Variants in DCDC1 observed in about 807,000 individuals in gnomAD.
The protein encoded by DCDC1 is doublecortin domain-containing protein 1.
A neutral mutation model predicts 178.3 loss-of-function variants in DCDC1; 200 were observed. The ratio of observed to expected loss-of-function variants is 1.12; its 90% CI spans 1.00 to 1.26. DCDC1 has a LOEUF of 1.26. Among genes scored for constraint, DCDC1 ranks in the 50% most tolerant of loss-of-function variants. The pLI is 0.00. For missense variants in DCDC1, 1,983 were observed against 1,749.2 expected, an observed-to-expected ratio of 1.13 and a Z score of -2.38; for synonymous variants, 690 against 604.8, an observed-to-expected ratio of 1.14 and a Z score of -2.07.
At chr11:31,246,329 T>G (rs1051588781) in intron 8 of DCDC1, among the ~76,000 whole-genome samples, 4 of 152,034 alleles carry the variant, frequency 2.6e-5, no homozygotes, top group African/African-American at 9.7e-5. Flanking sequence ...TAGTTACCTA[T>G]AAAGAAACTT....
At chr11:31,326,498 A>G (rs936563609) in intron 3 of DCDC1, among the ~76,000 whole-genome samples, 7 of 152,222 alleles carry the variant, frequency 4.6e-5, no homozygotes, top group Admixed American at 4.6e-4. Context: ...AGTACACATT[A>G]TATTAGAATT....
At chr11:31,051,321 G>C (rs1479439900) in intron 20 of DCDC1, among the ~76,000 whole-genome samples, 4 of 152,146 alleles carry the variant, frequency 2.6e-5, no homozygotes, top group Non-Finnish European at 5.9e-5. Flanking sequence ...AGAAGTCTGG[G>C]ATTATGTTAA....
intron 18 of DCDC1, among the ~76,000 whole-genome samples, chr11:31,075,076 T>C (rs961886201): frequency 6.6e-6 from 1 of 152,146 alleles, no homozygotes; most frequent in Admixed American, 6.6e-5. Context: ...GTCTCCAATA[T>C]CTATCATTCT....
intron 20 of DCDC1, among the ~76,000 whole-genome samples, chr11:31,063,843 TA>T (rs1956102356): frequency 6.6e-6 from 1 of 152,168 alleles, no homozygotes; most frequent in African/African-American, 2.4e-5. Flanking sequence ...AGTTTTAGAT[TA>T]AAATTGCAAT....
chr11:30,974,154 T>C (rs1949972778), intron 20 of DCDC1, among the ~76,000 whole-genome samples: 1 of 149,388 alleles, frequency 6.7e-6, no homozygotes, highest in Non-Finnish European at 1.5e-5. Context: ...AAGGAAGAAA[T>C]TAAGGAGAAA....
chr11:31,003,937 A>T (rs1951704238), intron 20 of DCDC1, among the ~76,000 whole-genome samples: 1 of 152,178 alleles, frequency 6.6e-6, no homozygotes, highest in African/African-American at 2.4e-5. Flanking sequence ...GTATGTTGAC[A>T]TGAGGAGATG....
chr11:31,323,497 A>G (rs1304881321), intron 3 of DCDC1, among the ~76,000 whole-genome samples: 1 of 152,238 alleles, frequency 6.6e-6, no homozygotes, highest in African/African-American at 2.4e-5. Context: ...TCTTTGTTAA[A>G]TGCAGTCAAC....
At chr11:30,932,529 A>T (rs2134322396) in intron 21 of DCDC1, among the ~76,000 whole-genome samples, 1 of 152,346 alleles carries the variant, frequency 6.6e-6, no homozygotes, top group Admixed American at 6.5e-5. Flanking sequence ...TGTTTACCAT[A>T]TATTCTAGGC....
At chr11:30,919,503 A>C (rs1946089816) in intron 25 of DCDC1, among the ~76,000 whole-genome samples, 1 of 146,552 alleles carries the variant, frequency 6.8e-6, no homozygotes, top group Non-Finnish European at 1.5e-5. Flanking sequence ...CTTTTTTCTT[A>C]CTTTCTGTTT....
intron 11 of DCDC1, among the ~76,000 whole-genome samples, chr11:31,116,251 T>A (rs1282250644): frequency 6.6e-6 from 1 of 152,074 alleles, no homozygotes; most frequent in Non-Finnish European, 1.5e-5. Flanking sequence ...ACCTTATATC[T>A]AATATTAGAA....
chr11:31,269,165 A>G (rs190241949), intron 7 of DCDC1, among the ~76,000 whole-genome samples: 169 of 152,238 alleles, frequency 1.1e-3, no homozygotes, highest in African/African-American at 3.9e-3. Context: ...TCTCGGAGTA[A>G]ATTATCAGTG....
At chr11:31,239,988 T>C (rs1426617510) in intron 9 of DCDC1, among the ~76,000 whole-genome samples, 2 of 151,924 alleles carry the variant, frequency 1.3e-5, no homozygotes, top group African/African-American at 4.8e-5. Context: ...CTAACATCCT[T>C]ACTTGAAATA....
intron 1 of DCDC1, among the ~76,000 whole-genome samples, chr11:31,361,859 C>T (rs546224194): frequency 2.6e-5 from 4 of 152,266 alleles, no homozygotes; most frequent in East Asian, 1.9e-4. Flanking sequence ...CCAAATCCAA[C>T]GCAGGAACTA....
At chr11:31,313,597 G>C (rs1948893753) in intron 3 of DCDC1, among the ~76,000 whole-genome samples, 1 of 152,134 alleles carries the variant, frequency 6.6e-6, no homozygotes, top group African/African-American at 2.4e-5. Context: ...TCTACATTAA[G>C]ATCTACACAG....
chr11:31,354,268 G>A (rs1296679172), intron 1 of DCDC1, among the ~76,000 whole-genome samples: 1 of 152,206 alleles, frequency 6.6e-6, no homozygotes, highest in Non-Finnish European at 1.5e-5. Context: ...CCTGGTGACA[G>A]AGCGAGACTC....
At chr11:31,135,501 A>G (rs942648772) in intron 10 of DCDC1, among the ~76,000 whole-genome samples, 4 of 151,950 alleles carry the variant, frequency 2.6e-5, no homozygotes, top group Admixed American at 6.5e-5. Context: ...TTCTAAAAAG[A>G]GTCTTTTAGA....
intron 9 of DCDC1, among the ~76,000 whole-genome samples, chr11:31,239,710 C>T (rs1247218635): frequency 2.6e-5 from 4 of 151,754 alleles, no homozygotes; most frequent in African/African-American, 9.7e-5. Context: ...ATGTTGAAAT[C>T]TTTACAGACT....
At chr11:31,002,463 C>A (rs1479179535) in intron 20 of DCDC1, among the ~76,000 whole-genome samples, 1 of 152,096 alleles carries the variant, frequency 6.6e-6, no homozygotes, top group African/African-American at 2.4e-5. Context: ...AAAGAGCCCT[C>A]CAATACACCC....
At chr11:31,190,931 G>C (rs1970062510) in intron 9 of DCDC1, among the ~76,000 whole-genome samples, 1 of 151,888 alleles carries the variant, frequency 6.6e-6, no homozygotes, top group Non-Finnish European at 1.5e-5. Context: ...CGTATTCATG[G>C]GGATTAGTTC....
Sources: gnomAD v4.1 joint callset for allele counts (sites outside exome capture counted in the v4.1 genomes callset) on GRCh38, gnomAD v4.1.1 for gene constraint, MANE v1.5 for transcripts, NCBI Gene and HGNC (gene_info 2026-07-23, HGNC 2026-07-21) for gene names.